Variants in PCGF3 observed in about 807,000 individuals in gnomAD.
The protein encoded by PCGF3 is polycomb group ring finger 3.
A neutral mutation model predicts 33.1 loss-of-function variants in PCGF3; 7 were observed. The observed-to-expected ratio is 0.21, with a 90% confidence interval of 0.12 to 0.40. PCGF3 has a LOEUF of 0.40. Among genes scored for constraint, PCGF3 ranks in the 10% least tolerant of loss-of-function variants. The pLI is 1.00. For missense variants in PCGF3, 211 were observed against 313.3 expected (o/e 0.67, Z 2.46); for synonymous variants, 153 against 121.3 (o/e 1.26, Z -1.72).
Position 727,024 on chromosome 4 carries a change from T to C in PCGF3, c.-189-3606T>C, listed in dbSNP as rs138909290. 4.8e-4 allele frequency among the ~76,000 whole-genome samples: 73 copies of C among 152,270 alleles called. No individual in the cohort carries two copies. The East Asian group carries it at 0.011, about 23-fold the overall frequency. On this transcript the variant is annotated intron_variant, in intron 1 of 10. Coordinates refer to ENST00000362003, the Ensembl canonical transcript of PCGF3. ...GGGAACGTGTGTGCGCTCCTGCGTC[T>C]GCCCCTCTCCCCTGTGGGATCGTGG...
intron 8 of PCGF3, among the ~76,000 whole-genome samples, chr4:753,309 G>C (rs561432882): frequency 1.3e-5 from 2 of 152,146 alleles, no homozygotes; most frequent in East Asian, 3.9e-4. Flanking sequence ...TCAGCCTCCC[G>C]AGTAGGGACC....
At chr4:754,585 C>T (rs929611701) in intron 8 of PCGF3, among the ~76,000 whole-genome samples, 4 of 152,160 alleles carry the variant, frequency 2.6e-5, no homozygotes, top group Non-Finnish European at 5.9e-5. Flanking sequence ...GGCTGCCCCA[C>T]GTGCCGTGGG....
chr4:754,244 CTT>C (rs990639535), intron 8 of PCGF3, among the ~76,000 whole-genome samples: 2 of 152,216 alleles, frequency 1.3e-5, no homozygotes, highest in Non-Finnish European at 2.9e-5. Context: ...TCCAATGGCT[CTT>C]GTGTCTGGAG....
chr4:753,660 A>C (rs1227779745), intron 8 of PCGF3, among the ~76,000 whole-genome samples: 1 of 149,444 alleles, frequency 6.7e-6, no homozygotes, highest in South Asian at 2.1e-4. Flanking sequence ...AAAAAAAAGA[A>C]GACTGGACCA....
chr4:734,715 A>G, intron 4 of PCGF3: 1 of 1,349,152 alleles, frequency 7.4e-7, no homozygotes, highest in African/African-American at 1.5e-5. Context: ...TGCCTCTTTG[A>G]GGAAGCCCAT....
intron 1 of PCGF3, among the ~76,000 whole-genome samples, chr4:706,559 G>A (rs1378707048): frequency 1.4e-5 from 2 of 143,248 alleles, no homozygotes; most frequent in Non-Finnish European, 3.1e-5. Context: ...GGAGGGCGAA[G>A]ACCCCAGCCC....
At chr4:768,317 C>G in exon 11 of PCGF3, 1 of 152,606 alleles carries the variant, frequency 6.6e-6, no homozygotes, top group East Asian at 1.9e-4. Flanking sequence ...ACCTTGCAGC[C>G]TTAGTCGTTG....
At chr4:767,925 G>T (rs1342839302) in exon 11 of PCGF3, 3 of 152,666 alleles carry the variant, frequency 2.0e-5, no homozygotes. Flanking sequence ...GCAGTTTTAA[G>T]TGTAACGTTA....
At chr4:713,480 T>C (rs936614011) in intron 1 of PCGF3, among the ~76,000 whole-genome samples, 69 of 137,170 alleles carry the variant, frequency 5.0e-4, no homozygotes, top group Non-Finnish European at 9.6e-4. Context: ...TCATGGGTCC[T>C]GTGTGGCCTG....
chr4:738,709 A>T (rs63562060), intron 6 of PCGF3, among the ~76,000 whole-genome samples: 1 of 125,592 alleles, frequency 8.0e-6, no homozygotes, highest in African/African-American at 3.0e-5. Flanking sequence ...AAAAAAAAAA[A>T]TTAGTCGGGC....
rs1262145381 is a variant in PCGF3, at chr4:764,325, G to A, written c.601-659G>A. 3.9e-5 allele frequency among the ~76,000 whole-genome samples: 6 copies of A among 152,212 alleles called. No individual in the cohort carries two copies. In the South Asian group the frequency reaches 1.2e-3, roughly 32 times the overall value. ...TTTTTAAAAGACTGGGGAGCCTAGT[G>A]CATTTTTGCACTATGGTGAGAGGGA... On this transcript the variant is annotated intron_variant, in intron 9 of 10. Coordinates refer to ENST00000362003, the Ensembl canonical transcript of PCGF3.
At chr4:717,393 A>C (rs965766572) in intron 1 of PCGF3, among the ~76,000 whole-genome samples, 2 of 151,962 alleles carry the variant, frequency 1.3e-5, no homozygotes, top group African/African-American at 2.4e-5. Context: ...GTGTGTGCTT[A>C]CTTTTTTTTT....
intron 8 of PCGF3, among the ~76,000 whole-genome samples, chr4:753,253 A>G (rs1189677640): frequency 6.6e-6 from 1 of 152,192 alleles, no homozygotes; most frequent in Non-Finnish European, 1.5e-5. Flanking sequence ...GTGCAATCTC[A>G]GCTCCCTGCA....
chr4:752,185 C>T (rs1002515398), intron 8 of PCGF3, among the ~76,000 whole-genome samples: 1 of 152,228 alleles, frequency 6.6e-6, no homozygotes, highest in African/African-American at 2.4e-5. Flanking sequence ...GGCGAAGCCG[C>T]CTCTTCCACT....
chr4:722,599 C>CCCCGG (rs1227266586), intron 1 of PCGF3, among the ~76,000 whole-genome samples: 49 of 142,962 alleles, frequency 3.4e-4, no homozygotes, highest in African/African-American at 1.2e-3. Flanking sequence ...CGCGTCATCG[C>CCCCGG]CCGTCCGCGC....
chr4:761,132 C>T (rs983447578), intron 8 of PCGF3, 147 bp from the exon 9 acceptor site: 9 of 512,946 alleles, frequency 1.8e-5, no homozygotes, highest in South Asian at 9.9e-5. Context: ...GATTCTTTTT[C>T]TGCAGTGTTG....
chr4:736,378 A>G (rs1743821374), intron 5 of PCGF3, among the ~76,000 whole-genome samples: 1 of 152,178 alleles, frequency 6.6e-6, no homozygotes, highest in African/African-American at 2.4e-5. Context: ...TTATTTGGAA[A>G]CATTCTAGAA....
At chr4:734,415 A>C (rs1023465289) in intron 4 of PCGF3, 1 of 1,339,250 alleles carries the variant, frequency 7.5e-7, no homozygotes, top group African/African-American at 1.5e-5. Context: ...GTGTACGCTT[A>C]TAATACAAGT....
At chr4:749,720 CGTG>C (rs1431558507) in intron 8 of PCGF3, among the ~76,000 whole-genome samples, 1 of 152,024 alleles carries the variant, frequency 6.6e-6, no homozygotes, top group Non-Finnish European at 1.5e-5. Flanking sequence ...CTCCTGACCT[CGTG>C]ATCCACCTGC....
Sources: gnomAD v4.1 joint callset for allele counts (sites outside exome capture counted in the v4.1 genomes callset) on GRCh38, gnomAD v4.1.1 for gene constraint, MANE v1.5 for transcripts, NCBI Gene and HGNC (gene_info 2026-07-23, HGNC 2026-07-21) for gene names.